NSUN6: variants seen among roughly 807,000 people sequenced by gnomAD.
NSUN6 encodes tRNA (cytosine(72)-C(5))-methyltransferase NSUN6.
Under a neutral mutation model 58.0 loss-of-function variants are expected in NSUN6, and 64 were observed. That is an observed-to-expected ratio of 1.10 (90% confidence interval 0.90 to 1.36). The LOEUF is 1.36. NSUN6 is among the 40% of genes most tolerant of loss of function. The pLI, the probability that NSUN6 is intolerant of heterozygous loss-of-function variation, is 0.00. For missense variants in NSUN6, 701 were observed against 550.1 expected (o/e 1.27, Z -2.74); for synonymous variants, 231 against 193.9 (o/e 1.19, Z -1.59).
chr10:18,586,446 G>C (rs2057145472), intron 7 of NSUN6, among the ~76,000 whole-genome samples: 1 of 152,240 alleles, frequency 6.6e-6, no homozygotes, highest in Non-Finnish European at 1.5e-5. Context: ...TGAAGCCGCA[G>C]ACCTTCGCAG....
intron 3 of NSUN6, among the ~76,000 whole-genome samples, chr10:18,627,060 G>GCT (rs1207309817): frequency 6.6e-6 from 1 of 152,086 alleles, no homozygotes; most frequent in African/African-American, 2.4e-5. Flanking sequence ...TGTTTTAAAG[G>GCT]CTCTTTTATC....
At chr10:18,578,934 C>T (rs547367415) in intron 8 of NSUN6, among the ~76,000 whole-genome samples, 2 of 152,282 alleles carry the variant, frequency 1.3e-5, no homozygotes, top group African/African-American at 4.8e-5. Flanking sequence ...GGTAATGTGT[C>T]ATCTCTGCAT....
At chr10:18,602,883 A>C (rs969737813) in intron 6 of NSUN6, among the ~76,000 whole-genome samples, 1 of 152,252 alleles carries the variant, frequency 6.6e-6, no homozygotes, top group East Asian at 1.9e-4. Flanking sequence ...GGAAGTAGCT[A>C]CAAGTGGTAA....
chr10:18,586,129 AAAAAG>A (rs778328602), intron 7 of NSUN6, 36 bp from the exon 8 acceptor site: 20 of 1,489,838 alleles, frequency 1.3e-5, no homozygotes, highest in African/African-American at 4.3e-5. Context: ...GCAGAAAAAA[AAAAAG>A]AAAATTATAA....
rs75817043 is a variant in NSUN6, at chr10:18,615,855, T to A, written c.421+329A>T. 3.7e-3 allele frequency among the ~76,000 whole-genome samples: 567 copies of A among 152,180 alleles called. 3 individuals carry two copies. Among genetic ancestry groups the A allele is most frequent in the African/African-American group, 0.013 (549 of 41,506 alleles). The stretch of plus-strand genomic sequence containing the variant: ...CAGGTTCTGGATGTTCTCTCACTAA[T>A]GACACAACAGCTTTCTGAGGTTTTA... On this transcript the variant is annotated intron_variant, in intron 4 of 10. Transcript: ENST00000377304.
chr10:18,561,784 A>G (rs1171087260), intron 8 of NSUN6, among the ~76,000 whole-genome samples: 1 of 150,060 alleles, frequency 6.7e-6, no homozygotes, highest in Non-Finnish European at 1.5e-5. Flanking sequence ...GGAGAACGGA[A>G]TGGAGAATAC....
chr10:18,646,370 G>A lies in NSUN6; in HGVS notation c.231+2120C>T, dbSNP rs560609112. Among the ~76,000 whole-genome samples the A allele has an allele frequency of 3.9e-5, 6 of 152,108 alleles. No individual in the cohort carries two copies. The South Asian group carries it at 6.2e-4, about 16-fold the overall frequency. Reference sequence around the variant, plus strand: ...CCAAGTACACTTTCTTACTAGAATCGGGTACTGCTTTACCATTGGTTTCCT... The same window carrying A: ...CCAAGTACACTTTCTTACTAGAATCAGGTACTGCTTTACCATTGGTTTCCT... On this transcript the variant is annotated intron_variant, in intron 2 of 10. Coordinates refer to ENST00000377304, the MANE Select transcript of NSUN6 (RefSeq NM_182543.5).
intron 3 of NSUN6, among the ~76,000 whole-genome samples, chr10:18,624,574 C>A (rs1172703224): frequency 7.4e-6 from 1 of 134,898 alleles, no homozygotes; most frequent in Admixed American, 8.2e-5. Context: ...TGGCGTAGAC[C>A]CGGGATGTAG....
At chr10:18,658,235 T>C (rs543431859), upstream of NSUN6, 2 of 152,366 alleles carry the variant, frequency 1.3e-5, no homozygotes, top group East Asian at 1.9e-4. Context: ...TGTTGTAACG[T>C]TGGAGCATAT....
chr10:18,559,654 C>T (rs1007726459), intron 8 of NSUN6, among the ~76,000 whole-genome samples: 7 of 142,218 alleles, frequency 4.9e-5, no homozygotes, highest in Non-Finnish European at 7.7e-5. Context: ...AAGAATCTTA[C>T]GGAGACGGCA....
intron 8 of NSUN6, among the ~76,000 whole-genome samples, chr10:18,556,331 G>GGGGAATT (rs1237142564): frequency 0.012 from 530 of 45,882 alleles, 6 homozygotes; most frequent in African/African-American, 0.034. Context: ...AATGGGGAAT[G>GGGGAATT]TAATGGAATG....
intron 8 of NSUN6, among the ~76,000 whole-genome samples, chr10:18,572,187 A>C (rs2056403762): frequency 6.9e-6 from 1 of 144,010 alleles, no homozygotes; most frequent in Non-Finnish European, 1.5e-5. Flanking sequence ...ATTCCATTCT[A>C]TTGTCTATTC....
At chr10:18,555,899 G>A (rs12772121) in intron 8 of NSUN6, among the ~76,000 whole-genome samples, 30,281 of 131,850 alleles carry the variant, frequency 0.23, 3,425 homozygotes, top group South Asian at 0.35. Context: ...AGAATAGAAT[G>A]GAATGGAGAA....
chr10:18,586,467 A>G (rs969531300), intron 7 of NSUN6, among the ~76,000 whole-genome samples: 2 of 151,828 alleles, frequency 1.3e-5, no homozygotes, highest in African/African-American at 2.4e-5. Context: ...TGAGTGTTAC[A>G]CCTCTTAAAG....
At chr10:18,564,838 C>A (rs554474634) in intron 8 of NSUN6, among the ~76,000 whole-genome samples, 23 of 151,008 alleles carry the variant, frequency 1.5e-4, no homozygotes, top group African/African-American at 5.1e-4. Flanking sequence ...CCATTCAATT[C>A]TATTCCATTC....
chr10:18,653,259 C>T, upstream of NSUN6: 1 of 983,898 alleles, frequency 1.0e-6, no homozygotes, highest in South Asian at 4.7e-5. Flanking sequence ...TACTGAATGA[C>T]TAAATGAAAA....
Position 18,618,886 on chromosome 10 carries a change from T to C in NSUN6, c.312-2593A>G, listed in dbSNP as rs527302650. On this transcript the variant is annotated intron_variant, in intron 3 of 10. Transcript: ENST00000377304. ...TTTAATGATAATTTATTTTTAGAAA[T>C]TTGTTTTCAATTCTACCTTTTTATC... is the stretch of plus-strand genomic sequence containing the variant. Among the ~76,000 whole-genome samples the C allele has an allele frequency of 2.6e-5, 4 of 152,282 alleles. No individual in the cohort carries two copies. The South Asian group carries it at 6.2e-4, about 24-fold the overall frequency.
At chr10:18,634,434 G>C (rs1041761647) in intron 3 of NSUN6, among the ~76,000 whole-genome samples, 9 of 152,098 alleles carry the variant, frequency 5.9e-5, no homozygotes, top group Admixed American at 2.0e-4. Flanking sequence ...GAGCCACTTT[G>C]AAACAGAGCC....
At chr10:18,613,795 CAATT>C (rs1389284683) in intron 5 of NSUN6, among the ~76,000 whole-genome samples, 1 of 152,058 alleles carries the variant, frequency 6.6e-6, no homozygotes, top group Non-Finnish European at 1.5e-5. Flanking sequence ...GGATATCGTC[CAATT>C]CTAAAGGGAG....
Sources: allele counts gnomAD v4.1 joint callset (sites outside exome capture counted in the v4.1 genomes callset), GRCh38; gene constraint gnomAD v4.1.1; transcripts MANE v1.5; gene names NCBI Gene and HGNC (gene_info 2026-07-23, HGNC 2026-07-21).